ZNF385D: variants seen among roughly 807,000 people sequenced by gnomAD.
ZNF385D encodes zinc finger protein 385D, also known as zinc finger protein 659.
A neutral mutation model predicts 35.8 loss-of-function variants in ZNF385D; 15 were observed. The observed-to-expected ratio is 0.42, with a 90% CI of 0.28 to 0.64. The LOEUF (loss-of-function observed/expected upper bound fraction) is 0.64. ZNF385D is among the 30% of genes least tolerant of loss of function. The pLI is 0.23. For synonymous variants in ZNF385D, 212 were observed against 186.8 expected, an observed-to-expected ratio of 1.13 and a Z score of -1.10; for missense variants, 474 against 494.6, an observed-to-expected ratio of 0.96 and a Z score of 0.39.
At chr3:21,636,134 A>C (rs1022794895) in intron 2 of ZNF385D, among the ~76,000 whole-genome samples, 2 of 151,570 alleles carry the variant, frequency 1.3e-5, no homozygotes, top group Non-Finnish European at 2.9e-5. Flanking sequence ...AAACCTCCAC[A>C]CTGTTTTCCG....
At chr3:21,552,361 G>A (rs567139969) in intron 3 of ZNF385D, among the ~76,000 whole-genome samples, 1 of 152,192 alleles carries the variant, frequency 6.6e-6, no homozygotes, top group South Asian at 2.1e-4. Flanking sequence ...GACATGGCTG[G>A]TCAATAAGTA....
At chr3:21,743,014 T>C (rs60051113) in intron 1 of ZNF385D, among the ~76,000 whole-genome samples, 12,417 of 152,222 alleles carry the variant, frequency 0.082, 822 homozygotes, top group East Asian at 0.25. Flanking sequence ...ATATTTTAGT[T>C]CTCCAAATAG....
At chr3:22,073,992 G>A (rs747484399) in intron 3 of ZNF385D, among the ~76,000 whole-genome samples, 91 of 151,822 alleles carry the variant, frequency 6.0e-4, no homozygotes, top group Non-Finnish European at 1.1e-3. Context: ...TTATACTAAA[G>A]TACATTGTCT....
At chr3:22,370,504 T>A (rs1471920727) in intron 2 of ZNF385D, among the ~76,000 whole-genome samples, 1 of 152,180 alleles carries the variant, frequency 6.6e-6, no homozygotes, top group African/African-American at 2.4e-5. Flanking sequence ...ATACCTGAAA[T>A]GGTTGGGTAT....
intron 2 of ZNF385D, among the ~76,000 whole-genome samples, chr3:22,311,029 A>T (rs906051968): frequency 6.6e-5 from 10 of 151,920 alleles, no homozygotes; most frequent in Admixed American, 5.9e-4. Context: ...ATATGATACT[A>T]CGAAGGTTGA....
At chr3:21,916,681 C>T (rs780423390) in intron 3 of ZNF385D, among the ~76,000 whole-genome samples, 1 of 152,200 alleles carries the variant, frequency 6.6e-6, no homozygotes, top group Admixed American at 6.5e-5. Context: ...ACAAAAGACA[C>T]TTGAATTAAT....
intron 1 of ZNF385D, among the ~76,000 whole-genome samples, chr3:21,687,997 G>A (rs1358545452): frequency 6.6e-6 from 1 of 151,954 alleles, no homozygotes; most frequent in Non-Finnish European, 1.5e-5. Flanking sequence ...TAAGCTCAAG[G>A]GATCCTGCTA....
At chr3:22,205,647 G>T (rs566268630) in intron 2 of ZNF385D, among the ~76,000 whole-genome samples, 188 of 152,088 alleles carry the variant, frequency 1.2e-3, no homozygotes, top group African/African-American at 4.4e-3. Flanking sequence ...CTCTTTGCTT[G>T]TATGTTTGTT....
chr3:22,184,287 G>C (rs937512657), intron 2 of ZNF385D, among the ~76,000 whole-genome samples: 1 of 152,070 alleles, frequency 6.6e-6, no homozygotes, highest in Non-Finnish European at 1.5e-5. Flanking sequence ...CATGTTCATG[G>C]AACCATTATT....
chr3:22,044,434 G>A (rs1698860293), intron 3 of ZNF385D, among the ~76,000 whole-genome samples: 1 of 151,970 alleles, frequency 6.6e-6, no homozygotes, highest in South Asian at 2.1e-4. Flanking sequence ...AGTTCCTAGA[G>A]CAAGGCAAAC....
chr3:22,239,403 T>G (rs1699366537), intron 2 of ZNF385D, among the ~76,000 whole-genome samples: 1 of 151,044 alleles, frequency 6.6e-6, no homozygotes, highest in African/African-American at 2.5e-5. Flanking sequence ...TGTTTTAAAG[T>G]GTCCTAAGCC....
intron 3 of ZNF385D, among the ~76,000 whole-genome samples, chr3:22,109,058 C>A (rs191363696): frequency 1.8e-3 from 268 of 152,126 alleles, no homozygotes; most frequent in Admixed American, 4.1e-3. Context: ...TACAGACGAA[C>A]GACGCAATAC....
intron 3 of ZNF385D, among the ~76,000 whole-genome samples, chr3:22,050,398 C>G (rs973728674): frequency 6.6e-6 from 1 of 152,000 alleles, no homozygotes; most frequent in Non-Finnish European, 1.5e-5. Context: ...AAACCACCAC[C>G]ACAACAAGAA....
intron 3 of ZNF385D, among the ~76,000 whole-genome samples, chr3:21,905,848 G>A (rs968078850): frequency 1.3e-5 from 2 of 152,024 alleles, no homozygotes; most frequent in African/African-American, 2.4e-5. Flanking sequence ...AATTATTTTA[G>A]TTCTGGAAAA....
intron 1 of ZNF385D, among the ~76,000 whole-genome samples, chr3:21,684,751 A>G (rs773655697): frequency 1.3e-5 from 2 of 152,162 alleles, no homozygotes; most frequent in Non-Finnish European, 2.9e-5. Flanking sequence ...TGGCAAACAG[A>G]TTTCCAAAGA....
rs559212253 is a variant in ZNF385D, at chr3:21,788,938, G to A, written c.326-123910C>T. ...GTCTGGATTAGGGCAGGAGGTCAGA[G>A]AGCATGAGGACAGAAGAACAAAAAA... On this transcript the variant is annotated intron_variant, in intron 3 of 5. Transcript: ENST00000494108. Among the ~76,000 whole-genome samples the A allele has an allele frequency of 5.9e-5, 9 of 152,252 alleles. No individual in the cohort carries two copies. The East Asian group carries it at 1.6e-3, about 26-fold the overall frequency.
At chr3:21,859,843 T>C (rs1696949201) in intron 3 of ZNF385D, among the ~76,000 whole-genome samples, 1 of 151,826 alleles carries the variant, frequency 6.6e-6, no homozygotes, top group African/African-American at 2.4e-5. Context: ...AAGCCCAAAG[T>C]GTAATTGTGT....
chr3:21,693,398 C>G (rs939747187), intron 1 of ZNF385D, among the ~76,000 whole-genome samples: 3 of 123,616 alleles, frequency 2.4e-5, no homozygotes, highest in Non-Finnish European at 6.0e-5. Flanking sequence ...GTTAGTCCCA[C>G]ACTCTTTTAT....
At chr3:22,073,288 TTTAGG>T (rs1242958614) in intron 3 of ZNF385D, among the ~76,000 whole-genome samples, 1 of 151,704 alleles carries the variant, frequency 6.6e-6, no homozygotes. Flanking sequence ...TCTAAATTAC[TTTAGG>T]TTAAAATTAG....
Sources: gnomAD v4.1 joint callset for allele counts (sites outside exome capture counted in the v4.1 genomes callset) on GRCh38, gnomAD v4.1.1 for gene constraint, MANE v1.5 for transcripts, NCBI Gene and HGNC (gene_info 2026-07-23, HGNC 2026-07-21) for gene names.